Variants in NUDT6 observed in about 807,000 individuals in gnomAD.
NUDT6 encodes FAD diphosphatase NUDT6.
A neutral mutation model predicts 36.8 loss-of-function variants in NUDT6; 24 were observed. That is an observed-to-expected ratio of 0.65 (90% CI 0.47 to 0.92). NUDT6 has a LOEUF of 0.92. NUDT6 is among the 40% of genes least tolerant of loss of function. The pLI is 0.00. For synonymous variants in NUDT6, 163 were observed against 157.0 expected, an observed-to-expected ratio of 1.04 and a Z score of -0.29; for missense variants, 388 against 392.8, an observed-to-expected ratio of 0.99 and a Z score of 0.10.
chr4:122,921,942 T>C (rs1354550032), intron 1 of NUDT6: 1 of 190,542 alleles, frequency 5.2e-6, no homozygotes, highest in Non-Finnish European at 1.1e-5. Flanking sequence ...TACTGAGCTT[T>C]AAATACGTGG....
intron 3 of NUDT6, among the ~76,000 whole-genome samples, chr4:122,909,865 G>A (rs965039688): frequency 6.6e-6 from 1 of 152,204 alleles, no homozygotes; most frequent in Non-Finnish European, 1.5e-5. Context: ...GATGAACTCA[G>A]TTATTCCAAA....
Position 122,917,496 on chromosome 4 carries a change from C to A in NUDT6, c.442+5G>T, listed in dbSNP as rs1185813531. 6.2e-7 allele frequency: 1 copy of A among 1,613,342 alleles called. No individual in the cohort carries two copies. Among genetic ancestry groups the A allele is most frequent in the Admixed American group, 1.7e-5 (1 of 60,028 alleles). On this transcript the variant is annotated splice_donor_5th_base_variant and intron_variant, in intron 2 of 4. Coordinates refer to ENST00000304430, the MANE Select transcript of NUDT6 (RefSeq NM_007083.5). ...AATTCTGCTCATCATGAGTTTGAAA[C>A]TGACCTGCAACTCCTACTTGATGTG...
chr4:122,900,218 G>T (rs886073595), intron 3 of NUDT6, among the ~76,000 whole-genome samples: 1 of 152,040 alleles, frequency 6.6e-6, no homozygotes, highest in East Asian at 1.9e-4. Flanking sequence ...ATCCTTTTCC[G>T]AAGCTTTTGT....
intron 2 of NUDT6, among the ~76,000 whole-genome samples, chr4:122,913,578 G>A (rs1031208755): frequency 6.6e-6 from 1 of 152,176 alleles, no homozygotes; most frequent in African/African-American, 2.4e-5. Flanking sequence ...GCCCCCTGAT[G>A]ATCCAAATCT....
At chr4:122,897,314 C>A (rs935415415) in intron 4 of NUDT6, 1 of 285,428 alleles carries the variant, frequency 3.5e-6, no homozygotes, top group Non-Finnish European at 6.5e-6. Context: ...TCCAAAATAA[C>A]CTTTAATGCT....
In NUDT6 at chr4:122,912,561, A is replaced by G; in HGVS notation, c.498+7T>C. The G allele has an allele frequency of 6.3e-7, 1 of 1,576,002 alleles. No individual in the cohort carries two copies. The highest frequency in any genetic ancestry group is 1.1e-5 in the South Asian group (1 of 89,498). ...AGGAAGCAATTTATAAAACAGAAGC[A>G]GCTTACTTTATTTCGATCTTGTACA... On this transcript the variant is annotated splice_region_variant and intron_variant, in intron 3 of 4. Transcript: ENST00000304430.
rs193287107 is a variant in NUDT6 at position 122,909,648 on chromosome 4, A to G, written c.498+2920T>C. 2.1e-4 allele frequency among the ~76,000 whole-genome samples: 30 copies of G among 142,338 alleles called. No individual in the cohort carries two copies. In the East Asian group the frequency reaches 5.4e-3, roughly 26 times the overall value. 93.4% of individuals were successfully genotyped at this position (142,338 alleles called of 152,430 possible). A position where few individuals can be genotyped will look rare whatever the true frequency, so the allele number is the denominator to read the frequency against. On this transcript the variant is annotated intron_variant, in intron 3 of 4. Coordinates refer to ENST00000304430, the MANE Select transcript of NUDT6 (RefSeq NM_007083.5). The stretch of plus-strand genomic sequence containing the variant: ...CACTACAGGCTGGTACTACCACTTT[A>G]TTAAGGTTTTTAATTCTCTTTAGAG...
chr4:122,916,547 A>G (rs1027206026), intron 2 of NUDT6, among the ~76,000 whole-genome samples: 6 of 152,190 alleles, frequency 3.9e-5, no homozygotes, highest in South Asian at 2.1e-4. Context: ...CCTGATCCCA[A>G]TTCAGTGCTA....
At chr4:122,912,432 G>T in intron 3 of NUDT6, 136 bp downstream of exon 3, 1 of 664,774 alleles carries the variant, frequency 1.5e-6, no homozygotes, top group Non-Finnish European at 2.6e-6. Flanking sequence ...TATCTAAGGT[G>T]ATCCATAACT....
intron 2 of NUDT6, 122 bp downstream of exon 2, chr4:122,917,378 AC>A: frequency 1.2e-6 from 1 of 867,924 alleles, no homozygotes; most frequent in Non-Finnish European, 1.9e-6. Flanking sequence ...GGGTGGAACC[AC>A]CGTAATCATT....
chr4:122,894,890 C>G, intron 4 of NUDT6: 1 of 152,028 alleles, frequency 6.6e-6, no homozygotes. Context: ...TATGGGGATC[C>G]TATTTAGCTC....
chr4:122,901,359 A>G (rs1293193826), intron 3 of NUDT6, among the ~76,000 whole-genome samples: 3 of 152,204 alleles, frequency 2.0e-5, no homozygotes, highest in African/African-American at 7.2e-5. Flanking sequence ...TGTGATTTTA[A>G]ACCATATTTA....
chr4:122,896,444 T>C (rs1047926674), intron 4 of NUDT6: 4 of 152,164 alleles, frequency 2.6e-5, no homozygotes, highest in Non-Finnish European at 5.9e-5. Context: ...CCAATATAGA[T>C]TGGGTAAGGC....
intron 3 of NUDT6, among the ~76,000 whole-genome samples, chr4:122,908,341 A>G (rs1257560364): frequency 6.6e-6 from 1 of 152,218 alleles, no homozygotes; most frequent in Non-Finnish European, 1.5e-5. Context: ...CCAGTGTAAT[A>G]TTGGTTGACA....
intron 3 of NUDT6, among the ~76,000 whole-genome samples, chr4:122,903,980 G>C (rs868748753): frequency 7.2e-5 from 11 of 152,278 alleles, no homozygotes; most frequent in African/African-American, 2.4e-4. Context: ...CCCACATGAA[G>C]GGACCCACAA....
intron 3 of NUDT6, chr4:122,898,048 TA>T (rs1288575186): frequency 5.8e-6 from 1 of 173,576 alleles, no homozygotes; most frequent in Non-Finnish European, 1.2e-5. Context: ...CTGCTATAAA[TA>T]AGTAGAAAAT....
intron 2 of NUDT6, among the ~76,000 whole-genome samples, chr4:122,913,771 T>C (rs553402567): frequency 3.9e-5 from 6 of 152,300 alleles, no homozygotes; most frequent in African/African-American, 1.4e-4. Context: ...GCATATTCTC[T>C]CTTTCTTTTT....
intron 4 of NUDT6, 81 bp from the exon 5 acceptor site, chr4:122,893,306 G>T: frequency 7.3e-7 from 1 of 1,372,750 alleles, no homozygotes; most frequent in Non-Finnish European, 9.8e-7. Flanking sequence ...AGTTAAAGTA[G>T]CATTATGTAA....
chr4:122,912,004 AAT>A (rs1203113114), intron 3 of NUDT6, among the ~76,000 whole-genome samples: 1 of 148,910 alleles, frequency 6.7e-6, no homozygotes. Flanking sequence ...TTGTATAAGC[AAT>A]TCGAATTTTA....
Sources: gnomAD v4.1 joint callset for allele counts (sites outside exome capture counted in the v4.1 genomes callset) on GRCh38, gnomAD v4.1.1 for gene constraint, MANE v1.5 for transcripts, NCBI Gene and HGNC (gene_info 2026-07-23, HGNC 2026-07-21) for gene names.